The following ARHGDIA variants were observed in gnomAD, a reference collection of about 807,000 sequenced individuals.
ARHGDIA encodes the protein Rho GDP dissociation inhibitor alpha.
Under a neutral mutation model 25.0 loss-of-function variants are expected in ARHGDIA, and 9 were observed. The ratio of observed to expected loss-of-function variants is 0.36; its 90% CI spans 0.22 to 0.63. ARHGDIA has a LOEUF of 0.63. Ranked by LOEUF, ARHGDIA falls within the 20% of genes least tolerant of loss-of-function variation. The probability of loss-of-function intolerance (pLI) is 0.69; values close to 1 mark genes in which losing one functional copy is unlikely to be tolerated. For synonymous variants in ARHGDIA, 166 were observed against 111.5 expected, an observed-to-expected ratio of 1.49 and a Z score of -3.08; for missense variants, 239 against 264.3, an observed-to-expected ratio of 0.90 and a Z score of 0.66.
chr17:81,871,004 C>T (rs1459959516), intron 1 of ARHGDIA: 1 of 150,230 alleles, frequency 6.7e-6, no homozygotes, highest in Non-Finnish European at 1.5e-5. Flanking sequence ...AGCTCCGGAC[C>T]GCTCGGGAGG....
chr17:81,868,845 G>GT lies in ARHGDIA; in HGVS notation c.*30dup. ...ACATCCGCCTGTCCGTCGTCCGTCCGTCAGTCTGCCCTGCCCGCCTCTGGC... is the reference window on the plus strand; with the variant it reads ...ACATCCGCCTGTCCGTCGTCCGTCCGTTCAGTCTGCCCTGCCCGCCTCTGGC... On this transcript the variant is annotated 3_prime_UTR_variant, in exon 6 of 6. Coordinates refer to ENST00000269321, the MANE Select transcript of ARHGDIA (RefSeq NM_004309.6). The GT allele has an allele frequency of 6.2e-7, 1 of 1,612,862 alleles. No individual in the cohort carries two copies. Among genetic ancestry groups the GT allele is most frequent in the Non-Finnish European group, 8.5e-7 (1 of 1,179,808 alleles).
rs558197954 is a variant in ARHGDIA, at chr17:81,867,770, C to T, written c.*1106G>A. The T allele has an allele frequency of 6.5e-5, 10 of 152,774 alleles. No homozygotes were observed. The highest frequency in any genetic ancestry group is 2.4e-4 in the African/African-American group (10 of 41,576). 9.5% of individuals were successfully genotyped at this position (152,774 alleles called of 1,614,324 possible). ...GTCAGAAAAGAAGCAGGGACAGGCG[C>T]CTCTGCCTGAGCCTGGCAGACACAA... On this transcript the variant is annotated 3_prime_UTR_variant, in exon 6 of 6. Transcript: ENST00000269321.
At position 81,868,492 on chromosome 17, in the gene ARHGDIA, G is replaced by A. The variant is rs750889382; in HGVS notation, c.*384C>T. 16 of 1,526,868 alleles carry A rather than the reference G, an allele frequency of 1.0e-5. No homozygotes were observed. The highest frequency in any genetic ancestry group is 9.6e-5 in the South Asian group (8 of 83,230). The allele number at this position is 1,526,868 out of a possible 1,614,324, so 94.6% of individuals were successfully genotyped here. On this transcript the variant is annotated 3_prime_UTR_variant, in exon 6 of 6. Coordinates refer to ENST00000269321, the MANE Select transcript of ARHGDIA (RefSeq NM_004309.6). Reference sequence around the variant, plus strand: ...ACCCCAGCTCCACCCCGGAGCAGCAGACGCACACGTCCAGGGGCAACCACG... The same window carrying A: ...ACCCCAGCTCCACCCCGGAGCAGCAAACGCACACGTCCAGGGGCAACCACG...
chr17:81,870,758 C>G (rs886809545), intron 1 of ARHGDIA: 1 of 152,188 alleles, frequency 6.6e-6, no homozygotes, highest in African/African-American at 2.4e-5. Flanking sequence ...GGGCTGGGGC[C>G]TCCGCGCCGC....
chr17:81,870,293 C>T (rs1012020666), intron 1 of ARHGDIA: 1 of 290,906 alleles, frequency 3.4e-6, no homozygotes, highest in Non-Finnish European at 6.6e-6. Context: ...ACACTAAACC[C>T]TCTCTTAGGG....
At position 81,868,544 on chromosome 17, in the gene ARHGDIA, C is replaced by T. The variant is rs954975497; in HGVS notation, c.*332G>A. On this transcript the variant is annotated 3_prime_UTR_variant, in exon 6 of 6. Transcript: ENST00000269321. Reference sequence around the variant, plus strand: ...GGCCTGGAGAATGGCTGCTCCGCTCCCTCCTGAAGCCAGGCCTCGGGTGTG... The same window carrying T: ...GGCCTGGAGAATGGCTGCTCCGCTCTCTCCTGAAGCCAGGCCTCGGGTGTG... The T allele has an allele frequency of 3.2e-5, 49 of 1,533,478 alleles. No individual in the cohort carries two copies. The highest frequency in any genetic ancestry group is 7.9e-5 in the Admixed American group (4 of 50,794). The allele number at this position is 1,533,478 out of a possible 1,614,324, so 95.0% of individuals were successfully genotyped here. A position where few individuals can be genotyped will look rare whatever the true frequency, so the allele number is the denominator to read the frequency against.
intron 1 of ARHGDIA, chr17:81,870,718 C>T (rs2039267576): frequency 6.6e-6 from 1 of 152,310 alleles, no homozygotes; most frequent in South Asian, 2.1e-4. Flanking sequence ...GACACCCAGG[C>T]CGGGGTCCAG....
Position 81,868,954 on chromosome 17 carries a change from G to T in ARHGDIA, c.537C>A (p.Ser179=). ...CGGTCTTGTCGTCGTCTGTGAAGCGGGACTTGATGCTGTAGCTGCCCCGGG... is the reference window on the plus strand; with the variant it reads ...CGGTCTTGTCGTCGTCTGTGAAGCGTGACTTGATGCTGTAGCTGCCCCGGG... ...MLARGSYSIK[S]RFTDDDKTDH... The change falls in exon 6 of 6, where the codon TCC becomes TCA. Residue 179 remains serine (S), a synonymous_variant. Coordinates refer to ENST00000269321, the MANE Select transcript of ARHGDIA (RefSeq NM_004309.6). The T allele has an allele frequency of 6.2e-7, 1 of 1,613,848 alleles. No homozygotes were observed. Among genetic ancestry groups the T allele is most frequent in the Non-Finnish European group, 8.5e-7 (1 of 1,179,984 alleles).
intron 1 of ARHGDIA, chr17:81,871,009 G>C (rs1179805220): frequency 6.7e-6 from 1 of 149,802 alleles, no homozygotes. Context: ...CGGACCGCTC[G>C]GGAGGGGCCG....
At chr17:81,869,519 C>A in intron 3 of ARHGDIA, 23 bp downstream of exon 3, 1 of 1,604,020 alleles carries the variant, frequency 6.2e-7, no homozygotes, top group Non-Finnish European at 8.5e-7. Context: ...CCGCCCGGAC[C>A]CCCGCGGCCG....
Position 81,868,603 on chromosome 17 carries a change from G to C in ARHGDIA, c.*273C>G. 2.0e-6 allele frequency: 3 copies of C among 1,535,542 alleles called. No individual in the cohort carries two copies. Among genetic ancestry groups the C allele is most frequent in the Non-Finnish European group, 1.7e-6 (2 of 1,146,766 alleles). ...ATAGAACCTGGGGGGCACAGAAAGG[G>C]CAGCAGAGGCCTGGCTGCGGCCTCT... On this transcript the variant is annotated 3_prime_UTR_variant, in exon 6 of 6. Transcript: ENST00000269321.
rs587777552 is a variant in ARHGDIA at position 81,868,973 on chromosome 17, C to A, written c.518G>T (p.Gly173Val). 4 of 1,613,800 alleles carry A rather than the reference C, an allele frequency of 2.5e-6. No homozygotes were observed. Among genetic ancestry groups the A allele is most frequent in the Non-Finnish European group, 8.5e-7 (1 of 1,179,998 alleles). The stretch of plus-strand genomic sequence containing the variant: ...GAAGCGGGACTTGATGCTGTAGCTG[C>A]CCCGGGCCAGCATACCCTTGGGTGC... The part of the protein sequence containing the change: ...EEAPKGMLAR[G>V]SYSIKSRFTD... The change falls in exon 6 of 6, where the codon GGC (glycine) becomes GTC (valine). Residue 173 changes from glycine (G) to valine (V), a missense_variant. Physicochemically the swap from Gly to Val is moderately radical, Grantham distance 109 (BLOSUM62 -3). This residue lies in a region of ARHGDIA where 75 missense variants were observed against 122.4 expected (regional missense o/e 0.61). Coordinates refer to ENST00000269321, the MANE Select transcript of ARHGDIA (RefSeq NM_004309.6).
chr17:81,869,127 C>G, intron 5 of ARHGDIA, 46 bp downstream of exon 5: 1 of 1,613,310 alleles, frequency 6.2e-7, no homozygotes, highest in East Asian at 2.2e-5. Flanking sequence ...CGCCTGGCAG[C>G]ACGCACCCAA....
Position 81,868,213 on chromosome 17 carries a change from G to T in ARHGDIA, c.*663C>A, listed in dbSNP as rs561887970. 1 of 776,524 alleles carries T rather than the reference G, an allele frequency of 1.3e-6. No homozygotes were observed. The highest frequency in any genetic ancestry group is 2.8e-5 in the East Asian group (1 of 35,524). The allele number at this position is 776,524 out of a possible 1,614,324, so 48.1% of individuals were successfully genotyped here. A position where few individuals can be genotyped will look rare whatever the true frequency, so the allele number is the denominator to read the frequency against. On this transcript the variant is annotated 3_prime_UTR_variant, in exon 6 of 6. Transcript: ENST00000269321. ...CCTGTCCAGGGAAGGGGGCAGGCTG[G>T]CCAGGCACTGGTGGGCTGGGGAGCA...
At position 81,869,970 on chromosome 17, in the gene ARHGDIA, C is replaced by T; in HGVS notation, c.-27-13G>A. 6.2e-7 allele frequency: 1 copy of T among 1,604,980 alleles called. No individual in the cohort carries two copies. ...TGGGTCGGGACACCTGTGGGCGGGA[C>T]GGTGACAGGCCTTGGACCTGGATCC... On this transcript the variant is annotated splice_polypyrimidine_tract_variant and intron_variant, in intron 1 of 5. Coordinates refer to ENST00000269321, the MANE Select transcript of ARHGDIA (RefSeq NM_004309.6).
chr17:81,869,437 C>T, intron 3 of ARHGDIA, 31 bp from the exon 4 acceptor site: 2 of 1,612,246 alleles, frequency 1.2e-6, no homozygotes, highest in Non-Finnish European at 1.7e-6. Context: ...TCAATGACTG[C>T]CCAGCAGCCC....
At position 81,867,744 on chromosome 17, in the gene ARHGDIA, G is replaced by T; in HGVS notation, c.*1132C>A. The stretch of plus-strand genomic sequence containing the variant: ...GCTCCTTCAGGGGCATTTATTTCCC[G>T]GTCAGAAAAGAAGCAGGGACAGGCG... On this transcript the variant is annotated 3_prime_UTR_variant, in exon 6 of 6. Transcript: ENST00000269321. 1 of 152,532 alleles carries T rather than the reference G, an allele frequency of 6.6e-6. No homozygotes were observed. 9.4% of individuals were successfully genotyped at this position (152,532 alleles called of 1,614,324 possible).
chr17:81,867,846 A>C lies in ARHGDIA; in HGVS notation c.*1030T>G. 6.5e-6 allele frequency: 1 copy of C among 153,216 alleles called. No homozygotes were observed. Among genetic ancestry groups the C allele is most frequent in the Non-Finnish European group, 1.5e-5 (1 of 68,548 alleles). 9.5% of individuals were successfully genotyped at this position (153,216 alleles called of 1,614,324 possible). A position where few individuals can be genotyped will look rare whatever the true frequency, so the allele number is the denominator to read the frequency against. ...GAGGCACAGGAGACGGCTCTCAGCAATGTGTGCACTTGGTCCCTTGTTTGT... is the reference window on the plus strand; with the variant it reads ...GAGGCACAGGAGACGGCTCTCAGCACTGTGTGCACTTGGTCCCTTGTTTGT... On this transcript the variant is annotated 3_prime_UTR_variant, in exon 6 of 6. Coordinates refer to ENST00000269321, the MANE Select transcript of ARHGDIA (RefSeq NM_004309.6).
In ARHGDIA at chr17:81,869,864, G is replaced by A. The variant is rs774532617; in HGVS notation, c.67C>T (p.His23Tyr). The change falls in exon 2 of 6, where the codon CAC becomes TAC. Residue 23 changes from histidine to tyrosine, a missense_variant. His to Tyr is a moderately conservative substitution (Grantham distance 83). Transcript: ENST00000269321. ...QIAAENEEDE[H>Y]SVNYKPPAQK... is the part of the protein sequence containing the mutation. Reference sequence around the variant, plus strand: ...GCCGGGGGCTTGTAGTTGACCGAGTGCTCATCCTCCTCGTTCTCCGCTGCA... The same window carrying A: ...GCCGGGGGCTTGTAGTTGACCGAGTACTCATCCTCCTCGTTCTCCGCTGCA... The A allele has an allele frequency of 1.2e-6, 2 of 1,614,116 alleles. No individual in the cohort carries two copies. Among genetic ancestry groups the A allele is most frequent in the Non-Finnish European group, 1.7e-6 (2 of 1,180,022 alleles).
Sources: allele counts gnomAD v4.1 joint callset, GRCh38; gene constraint gnomAD v4.1.1; regional missense constraint gnomAD v4.1.1; transcripts MANE v1.5; gene names NCBI Gene and HGNC (gene_info 2026-07-23, HGNC 2026-07-21).